The following THOC2 variants were observed in gnomAD, a reference collection of about 807,000 sequenced individuals.
The protein encoded by THOC2 is THO complex subunit 2.
A neutral mutation model predicts 128.4 loss-of-function variants in THOC2; 10 were observed. That is an observed-to-expected ratio of 0.08 (90% CI 0.05 to 0.13). The LOEUF is 0.13. Ranked by LOEUF, THOC2 falls within the 10% of genes least tolerant of loss-of-function variation. THOC2 has a pLI of 1.00. For missense variants in THOC2, 535 were observed against 1,155.7 expected (o/e 0.46, Z 7.79); for synonymous variants, 393 against 396.9 (o/e 0.99, Z 0.12).
chrX:123,717,426 A>G (rs2051473973), intron 1 of THOC2, among the ~76,000 whole-genome samples: 1 of 111,239 alleles, frequency 9.0e-6, no homozygotes, highest in Non-Finnish European at 1.9e-5. Context: ...TAAAAATAAA[A>G]ATATAATAGC....
intron 16 of THOC2, among the ~76,000 whole-genome samples, 175 bp downstream of exon 16, chrX:123,640,363 C>G (rs2047865421): frequency 9.0e-6 from 1 of 111,447 alleles, no homozygotes; most frequent in African/African-American, 3.3e-5. Flanking sequence ...AATAGTAGCA[C>G]TGTTACATAT....
chrX:123,707,926 G>A (rs1463927341), intron 2 of THOC2, among the ~76,000 whole-genome samples: 2 of 104,949 alleles, frequency 1.9e-5, no homozygotes, highest in African/African-American at 3.5e-5. Flanking sequence ...CTAGGAGTTC[G>A]AAACCAGCCT....
intron 38 of THOC2, among the ~76,000 whole-genome samples, chrX:123,608,827 G>A (rs2013803536): frequency 8.9e-6 from 1 of 112,296 alleles, no homozygotes; most frequent in Non-Finnish European, 1.9e-5. Flanking sequence ...TTGTCAATGA[G>A]GAATTCAACA....
At position 123,644,624 on chromosome X, in the gene THOC2, A is replaced by G. The variant is rs886442278; in HGVS notation, c.1612T>C (p.Leu538=). The G allele has an allele frequency of 5.0e-6, 6 of 1,205,478 alleles. No homozygotes were observed. The South Asian group carries it at 9.0e-5, about 18-fold the overall frequency. The change falls in exon 15 of 39, where the codon TTA becomes CTA. Residue 538 remains leucine, a synonymous_variant. Coordinates refer to ENST00000245838, the MANE Select transcript of THOC2 (RefSeq NM_001081550.2). The part of the protein sequence containing the change: ...KNETYNSHPL[L]VKVKAQTIDR... ...ATTGTTTGAGCTTTAACTTTTACTA[A>G]AAGTGGGTGACTGTTATAAGTTTCA... is the stretch of plus-strand genomic sequence containing the variant.
In THOC2 at chrX:123,645,333, C is replaced by T; in HGVS notation, c.1428+1G>A. On this transcript the variant is annotated splice_donor_variant, in intron 13 of 38. Coordinates refer to ENST00000245838, the MANE Select transcript of THOC2 (RefSeq NM_001081550.2). LOFTEE classifies it high-confidence loss of function. ...ATTATTGGATTTTTCTAGTCTCTTA[C>T]CGTTTTTTCTTTATCTTCTTGTTTG... is the stretch of plus-strand genomic sequence containing the variant. 8.8e-7 allele frequency: 1 copy of T among 1,135,638 alleles called. No individual in the cohort carries two copies. The highest frequency in any genetic ancestry group is 1.2e-6 in the Non-Finnish European group (1 of 842,516). 93.6% of individuals were successfully genotyped at this position (1,135,638 alleles called of 1,213,427 possible).
intron 15 of THOC2, among the ~76,000 whole-genome samples, chrX:123,640,974 T>C (rs892609295): frequency 1.1e-4 from 12 of 111,853 alleles, no homozygotes; most frequent in Admixed American, 3.8e-4. Context: ...GGAGGACTCA[T>C]CAGTTTAGGG....
chrX:123,704,828 A>G (rs2050859872), intron 3 of THOC2, among the ~76,000 whole-genome samples: 1 of 111,957 alleles, frequency 8.9e-6, no homozygotes, highest in South Asian at 3.8e-4. Context: ...ACTGCACTCT[A>G]GCCTGGGTAA....
intron 9 of THOC2, 71 bp from the exon 10 acceptor site, chrX:123,668,385 T>C (rs1313285578): frequency 3.1e-6 from 2 of 653,075 alleles, no homozygotes; most frequent in East Asian, 7.5e-5. Flanking sequence ...AAGGAAACAC[T>C]ATTCTCAATT....
intron 7 of THOC2, among the ~76,000 whole-genome samples, chrX:123,687,158 A>G (rs984373920): frequency 1.8e-5 from 2 of 112,262 alleles, no homozygotes; most frequent in East Asian, 5.5e-4. Flanking sequence ...GCTGATAAAC[A>G]GTTAAAAGTC....
intron 38 of THOC2, among the ~76,000 whole-genome samples, chrX:123,607,553 C>G (rs1042127275): frequency 9.2e-6 from 1 of 109,281 alleles, no homozygotes; most frequent in Non-Finnish European, 1.9e-5. Context: ...ATCCTCTTGC[C>G]TCAGCCTCCT....
intron 4 of THOC2, among the ~76,000 whole-genome samples, chrX:123,701,713 T>G (rs777462498): frequency 9.1e-6 from 1 of 110,292 alleles, no homozygotes; most frequent in Admixed American, 9.7e-5. Context: ...AAAGGTAATA[T>G]CTTTAGTGCC....
At chrX:123,680,389 C>A (rs2147851508) in intron 8 of THOC2, among the ~76,000 whole-genome samples, 1 of 110,491 alleles carries the variant, frequency 9.1e-6, no homozygotes, top group Non-Finnish European at 1.9e-5. Flanking sequence ...ACCTGCTGAC[C>A]TTCTCTCCAC....
intron 22 of THOC2, among the ~76,000 whole-genome samples, chrX:123,628,315 G>GT (rs1299944010): frequency 9.0e-6 from 1 of 111,423 alleles, no homozygotes. Context: ...AACATGTAGG[G>GT]TTTCCAGTCC....
intron 23 of THOC2, 144 bp from the exon 24 acceptor site, chrX:123,626,806 C>T (rs752222907): frequency 1.4e-4 from 70 of 495,616 alleles, no homozygotes; most frequent in Non-Finnish European, 2.0e-4. Flanking sequence ...CTACTTTTAT[C>T]TCCATTCAAC....
chrX:123,719,753 G>C (rs1454223573), intron 1 of THOC2, among the ~76,000 whole-genome samples: 1 of 107,192 alleles, frequency 9.3e-6, no homozygotes, highest in Non-Finnish European at 1.9e-5. Context: ...GAACAACATA[G>C]CAAGACCCTG....
At chrX:123,630,285 G>A (rs965309290) in intron 22 of THOC2, among the ~76,000 whole-genome samples, 2 of 111,526 alleles carry the variant, frequency 1.8e-5, no homozygotes, top group Non-Finnish European at 3.8e-5. Flanking sequence ...AATTATTGCT[G>A]TACTTCTCAC....
intron 38 of THOC2, chrX:123,603,591 G>A: frequency 1.3e-6 from 1 of 747,849 alleles, no homozygotes; most frequent in Middle Eastern, 2.9e-4. Flanking sequence ...TCGTCAAGAG[G>A]ATGGTGGTGT....
At chrX:123,625,869 A>T in intron 25 of THOC2, 43 bp downstream of exon 25, 1 of 1,156,814 alleles carries the variant, frequency 8.6e-7, no homozygotes, top group Non-Finnish European at 1.2e-6. Flanking sequence ...AATGTTAGCT[A>T]TCTTTGTGTG....
rs1128222 is a variant in THOC2, at chrX:123,631,835, C to T, written c.2334G>A (p.Val778=). The change falls in exon 22 of 39, where the codon GTG becomes GTA. Residue 778 remains valine (V), a synonymous_variant. Coordinates refer to ENST00000245838, the MANE Select transcript of THOC2 (RefSeq NM_001081550.2). ...KLYDQCHDTL[V]QFGGFLASNL... is the part of the protein sequence containing the mutation. Reference sequence around the variant, plus strand: ...TAGATGCTAAAAACCCACCAAACTGCACCAGGGTATCATGACACTAAATTT... The same window carrying T: ...TAGATGCTAAAAACCCACCAAACTGTACCAGGGTATCATGACACTAAATTT... 1.7e-6 allele frequency: 2 copies of T among 1,200,206 alleles called. No homozygotes were observed. The highest frequency in any genetic ancestry group is 2.2e-6 in the Non-Finnish European group (2 of 890,657).
Sources: gnomAD v4.1 joint callset for allele counts (sites outside exome capture counted in the v4.1 genomes callset) on GRCh38, gnomAD v4.1.1 for gene constraint, MANE v1.5 for transcripts, NCBI Gene and HGNC (gene_info 2026-07-23, HGNC 2026-07-21) for gene names.